The following XIRP2 variants were observed in gnomAD, a reference collection of about 807,000 sequenced individuals.
XIRP2 encodes xin actin binding repeat containing 2, also known as xin actin-binding repeat-containing protein 2.
A neutral mutation model predicts 277.0 loss-of-function variants in XIRP2; 236 were observed. That is an observed-to-expected ratio of 0.85 (90% CI 0.77 to 0.95). The LOEUF (loss-of-function observed/expected upper bound fraction) is 0.95, where lower values mean the gene tolerates loss of function less well. Ranked by LOEUF, XIRP2 falls within the 40% of genes least tolerant of loss-of-function variation. XIRP2 has a pLI of 0.00. For missense variants in XIRP2, 4,640 were observed against 4,157.5 expected (o/e 1.12, Z -3.19); for synonymous variants, 1,490 against 1,416.5 (o/e 1.05, Z -1.17).
intron 2 of XIRP2, among the ~76,000 whole-genome samples, chr2:167,011,352 C>T (rs1409735485): frequency 1.3e-5 from 2 of 151,364 alleles, no homozygotes; most frequent in African/African-American, 4.9e-5. Context: ...GTCTTTGGTT[C>T]TGTTTATATG....
At chr2:167,182,251 A>G (rs138224039) in intron 3 of XIRP2, among the ~76,000 whole-genome samples, 25 of 152,324 alleles carry the variant, frequency 1.6e-4, no homozygotes, top group African/African-American at 6.0e-4. Context: ...TTGGTGGGCT[A>G]GTGTTTTGTG....
intron 2 of XIRP2, among the ~76,000 whole-genome samples, chr2:167,004,760 G>C (rs2105460407): frequency 6.6e-6 from 1 of 151,990 alleles, no homozygotes; most frequent in Non-Finnish European, 1.5e-5. Flanking sequence ...ATGATTCAAT[G>C]TCCACAGTCA....
At chr2:166,980,868 T>G (rs1300653898) in intron 2 of XIRP2, among the ~76,000 whole-genome samples, 1 of 152,170 alleles carries the variant, frequency 6.6e-6, no homozygotes, top group Non-Finnish European at 1.5e-5. Flanking sequence ...ATTTTTAGAA[T>G]AACATTTTAA....
At chr2:167,157,428 A>G (rs537203590) in intron 3 of XIRP2, among the ~76,000 whole-genome samples, 2 of 152,300 alleles carry the variant, frequency 1.3e-5, no homozygotes, top group Admixed American at 6.5e-5. Context: ...CAAAGTCAAT[A>G]TCCACTTTAT....
chr2:167,133,181 G>A (rs7569147), intron 2 of XIRP2, among the ~76,000 whole-genome samples: 41,633 of 152,034 alleles, frequency 0.27, 6,917 homozygotes, highest in African/African-American at 0.48. Flanking sequence ...GGTATTGTAC[G>A]CATTTGTTTA....
At chr2:166,925,583 G>A (rs1685158489) in intron 2 of XIRP2, among the ~76,000 whole-genome samples, 2 of 118,006 alleles carry the variant, frequency 1.7e-5, no homozygotes, top group Non-Finnish European at 3.4e-5. Flanking sequence ...ATGTGTGTGT[G>A]TATGTGTATA....
At chr2:167,233,754 G>A (rs1225437082) in intron 5 of XIRP2, among the ~76,000 whole-genome samples, 2 of 151,394 alleles carry the variant, frequency 1.3e-5, no homozygotes, top group Non-Finnish European at 3.0e-5. Flanking sequence ...TTCCCTGTAA[G>A]ACTCTAAGTT....
rs770186934 is a variant in XIRP2 at position 167,250,485 on chromosome 2, G to C, written c.9093G>C (p.Gln3031His). 1.2e-6 allele frequency: 2 copies of C among 1,613,314 alleles called. No individual in the cohort carries two copies. Among genetic ancestry groups the C allele is most frequent in the East Asian group, 2.2e-5 (1 of 44,822 alleles). Residue 3031 changes from glutamine (Q) to histidine (H), a missense_variant, in exon 9 of 11, where the codon CAG becomes CAC. Coordinates refer to ENST00000409195, the MANE Select transcript of XIRP2 (RefSeq NM_152381.6). Reference sequence around the variant, plus strand: ...TTGTGTCCTATGAAAATATAATTCAGACAGCCATGATGTCCTCCAAAACAG... The same window carrying C: ...TTGTGTCCTATGAAAATATAATTCACACAGCCATGATGTCCTCCAAAACAG... ...DMLVSYENII[Q>H]TAMMSSKTGK...
intron 5 of XIRP2, among the ~76,000 whole-genome samples, chr2:167,232,018 C>T (rs73029741): frequency 0.01 from 1,572 of 152,040 alleles, 20 homozygotes; most frequent in Admixed American, 0.032. Context: ...TTGAGATACA[C>T]TCTCCACCCC....
intron 2 of XIRP2, among the ~76,000 whole-genome samples, chr2:167,044,814 T>G (rs1046671633): frequency 6.6e-6 from 1 of 151,964 alleles, no homozygotes; most frequent in African/African-American, 2.4e-5. Context: ...ATCATCAAAA[T>G]AGCCATACAG....
At chr2:166,961,670 C>G (rs893305495) in intron 2 of XIRP2, among the ~76,000 whole-genome samples, 14 of 151,808 alleles carry the variant, frequency 9.2e-5, no homozygotes, top group African/African-American at 3.4e-4. Flanking sequence ...TGAAAAAGGA[C>G]AGTGTGTCTG....
In XIRP2 at chr2:167,246,845, A is replaced by C; in HGVS notation, c.5453A>C (p.Lys1818Thr). 6.2e-7 allele frequency: 1 copy of C among 1,613,888 alleles called. No homozygotes were observed. The highest frequency in any genetic ancestry group is 8.5e-7 in the Non-Finnish European group (1 of 1,179,864). Residue 1818 changes from lysine (K) to threonine (T), a missense_variant, in exon 9 of 11, where the codon AAG becomes ACG. Lys to Thr is a moderately conservative substitution (Grantham distance 78). Coordinates refer to ENST00000409195, the MANE Select transcript of XIRP2 (RefSeq NM_152381.6). ...CCTGGAGATGTGCATAACACAGTTA[A>C]GGTTTTTATGACCGAGCCTCAGAGT... ...IIPGDVHNTV[K>T]VFMTEPQSTF...
At chr2:166,962,790 ATTAG>A (rs1186453823) in intron 2 of XIRP2, among the ~76,000 whole-genome samples, 1 of 151,786 alleles carries the variant, frequency 6.6e-6, no homozygotes, top group Non-Finnish European at 1.5e-5. Context: ...TATCAGGAAT[ATTAG>A]TTACTTTCTA....
At chr2:166,963,262 A>G (rs1383203424) in intron 2 of XIRP2, among the ~76,000 whole-genome samples, 1 of 151,618 alleles carries the variant, frequency 6.6e-6, no homozygotes, top group African/African-American at 2.4e-5. Context: ...GGATACATAT[A>G]TGACTATTTA....
chr2:167,032,751 C>T (rs1247726558), intron 2 of XIRP2, among the ~76,000 whole-genome samples: 1 of 152,162 alleles, frequency 6.6e-6, no homozygotes, highest in African/African-American at 2.4e-5. Context: ...GAGATACCAT[C>T]TTACATCAGT....
At position 167,243,874 on chromosome 2, in the gene XIRP2, A is replaced by T. The variant is rs372370788; in HGVS notation, c.2482A>T (p.Ile828Phe). ...AATCAAAGAGTCAGAAGAGGTCATC[A>T]TTGAAAAGGAAAAAATAATAGGTAC... Reference protein sequence around the residue: ...EKIKESEEVIIEKEKIIGTDV... With the variant: ...EKIKESEEVIFEKEKIIGTDV... Residue 828 changes from isoleucine to phenylalanine, a missense_variant, in exon 9 of 11, where the codon ATT (isoleucine) becomes TTT (phenylalanine). Coordinates refer to ENST00000409195, the MANE Select transcript of XIRP2 (RefSeq NM_152381.6). 4.3e-6 allele frequency: 7 copies of T among 1,613,926 alleles called. No homozygotes were observed. The African/African-American group carries it at 6.7e-5, about 15-fold the overall frequency.
chr2:167,158,014 G>A (rs957745883), intron 3 of XIRP2, among the ~76,000 whole-genome samples: 10 of 152,122 alleles, frequency 6.6e-5, no homozygotes, highest in African/African-American at 1.9e-4. Flanking sequence ...CACTTTAAAA[G>A]TGCTTTAAAA....
intron 2 of XIRP2, among the ~76,000 whole-genome samples, chr2:167,015,864 C>T (rs1687813260): frequency 6.6e-6 from 1 of 151,610 alleles, no homozygotes; most frequent in Non-Finnish European, 1.5e-5. Flanking sequence ...ATCAGGACCA[C>T]TCCTAGATCA....
chr2:167,153,497 T>G (rs1692082485), intron 3 of XIRP2, among the ~76,000 whole-genome samples: 1 of 152,116 alleles, frequency 6.6e-6, no homozygotes, highest in Non-Finnish European at 1.5e-5. Flanking sequence ...CGTGCTGCTG[T>G]GCTGCATCCA....
Sources: allele counts gnomAD v4.1 joint callset (sites outside exome capture counted in the v4.1 genomes callset), GRCh38; gene constraint gnomAD v4.1.1; transcripts MANE v1.5; gene names NCBI Gene and HGNC (gene_info 2026-07-23, HGNC 2026-07-21).